GPR158: variants seen among roughly 807,000 people sequenced by gnomAD.
GPR158 encodes the protein metabotropic glycine receptor.
GPR158 carries 30 observed loss-of-function variants against 78.2 expected under a neutral mutation model. The observed-to-expected ratio is 0.38, with a 90% CI of 0.29 to 0.52. The LOEUF (loss-of-function observed/expected upper bound fraction) is 0.52. Among genes scored for constraint, GPR158 ranks in the 20% least tolerant of loss-of-function variants. GPR158 has a pLI of 0.83. For missense variants in GPR158, 1,463 were observed against 1,523.5 expected, an observed-to-expected ratio of 0.96 and a Z score of 0.66; for synonymous variants, 581 against 591.1, an observed-to-expected ratio of 0.98 and a Z score of 0.25.
In GPR158 at chr10:25,252,503, C is replaced by A. The variant is rs1410439201; in HGVS notation, c.1008+31346C>A. ...ACAGAGGGGTTTTTGGTGTGGATGT[C>A]CTTTCTGTTTGTTAGTTTTCCTTCT... On this transcript the variant is annotated intron_variant, in intron 2 of 10. Transcript: ENST00000376351. Among the ~76,000 whole-genome samples the A allele has an allele frequency of 3.3e-5, 5 of 151,164 alleles. No individual in the cohort carries two copies. The South Asian group carries it at 1.1e-3, about 32-fold the overall frequency.
intron 5 of GPR158, among the ~76,000 whole-genome samples, chr10:25,476,217 A>G (rs986378720): frequency 1.3e-5 from 2 of 152,170 alleles, no homozygotes; most frequent in African/African-American, 2.4e-5. Flanking sequence ...AACTTTGTAT[A>G]ATTTATAAAA....
chr10:25,543,313 G>T (rs1011029229), intron 5 of GPR158, among the ~76,000 whole-genome samples: 1 of 151,942 alleles, frequency 6.6e-6, no homozygotes, highest in African/African-American at 2.4e-5. Context: ...TAGAGGTAGG[G>T]TTTCACCATG....
intron 4 of GPR158, among the ~76,000 whole-genome samples, chr10:25,445,944 G>T (rs2130595007): frequency 6.6e-6 from 1 of 152,288 alleles, no homozygotes; most frequent in Admixed American, 6.5e-5. Flanking sequence ...TCTAGTTGGA[G>T]AAGTCAGAAC....
intron 5 of GPR158, among the ~76,000 whole-genome samples, chr10:25,545,380 C>T (rs550256837): frequency 6.6e-6 from 1 of 152,280 alleles, no homozygotes; most frequent in Admixed American, 6.5e-5. Context: ...TGTTTCCTGA[C>T]TTTCTAATGA....
intron 2 of GPR158, among the ~76,000 whole-genome samples, chr10:25,351,844 A>C (rs1484888624): frequency 6.6e-6 from 1 of 150,988 alleles, no homozygotes; most frequent in African/African-American, 2.4e-5. Flanking sequence ...TCATCCCATC[A>C]CCTAGGTATC....
chr10:25,540,050 G>A (rs1406526309), intron 5 of GPR158, among the ~76,000 whole-genome samples: 2 of 152,112 alleles, frequency 1.3e-5, no homozygotes, highest in South Asian at 2.1e-4. Flanking sequence ...CTACTCATCT[G>A]ACAAAGGGCT....
chr10:25,285,339 G>A (rs1401417547), intron 2 of GPR158, among the ~76,000 whole-genome samples: 1 of 152,034 alleles, frequency 6.6e-6, no homozygotes. Flanking sequence ...GCATCTGAGA[G>A]GAGATTTAGT....
At chr10:25,215,954 G>T (rs1466752339) in intron 1 of GPR158, among the ~76,000 whole-genome samples, 3 of 152,306 alleles carry the variant, frequency 2.0e-5, no homozygotes, top group South Asian at 4.1e-4. Context: ...AAATTCACTT[G>T]TTCACAGGTG....
intron 4 of GPR158, among the ~76,000 whole-genome samples, chr10:25,421,310 T>C (rs1834747700): frequency 6.6e-6 from 1 of 152,216 alleles, no homozygotes; most frequent in African/African-American, 2.4e-5. Flanking sequence ...AAGTCTATGA[T>C]TTTTCTTTTG....
At chr10:25,508,015 G>C (rs1419359690) in intron 5 of GPR158, among the ~76,000 whole-genome samples, 1 of 152,204 alleles carries the variant, frequency 6.6e-6, no homozygotes, top group Non-Finnish European at 1.5e-5. Context: ...AAAAAGGCGG[G>C]ATGATTACGA....
Position 25,599,080 on chromosome 10 carries a change from C to A in GPR158, c.3454C>A (p.Arg1152Ser). 1 of 1,613,210 alleles carries A rather than the reference C, an allele frequency of 6.2e-7. No individual in the cohort carries two copies. Among genetic ancestry groups the A allele is most frequent in the East Asian group, 2.2e-5 (1 of 44,854 alleles). ...KKTSSSEENVRGSYNSSNNFQ... is the reference protein window; with the variant it reads ...KKTSSSEENVSGSYNSSNNFQ... ...GACATCTTCTTCTGAGGAGAATGTGCGTGGCTCCTATAACTCAAGTAATAA... is the reference window on the plus strand; with the variant it reads ...GACATCTTCTTCTGAGGAGAATGTGAGTGGCTCCTATAACTCAAGTAATAA... The change falls in exon 11 of 11, where the codon CGT (arginine) becomes AGT (serine). Residue 1152 changes from arginine (R) to serine (S), a missense_variant. Arg to Ser is a moderately radical substitution (Grantham distance 110). Coordinates refer to ENST00000376351, the MANE Select transcript of GPR158 (RefSeq NM_020752.3).
chr10:25,306,219 C>T (rs1854674942), intron 2 of GPR158, among the ~76,000 whole-genome samples: 1 of 152,124 alleles, frequency 6.6e-6, no homozygotes, highest in Non-Finnish European at 1.5e-5. Flanking sequence ...TCCCTACTAT[C>T]CAATTTATTA....
chr10:25,446,832 A>G (rs1280375980), intron 4 of GPR158, among the ~76,000 whole-genome samples: 1 of 152,244 alleles, frequency 6.6e-6, no homozygotes, highest in African/African-American at 2.4e-5. Flanking sequence ...GTGTTTCTAC[A>G]TCAGCCGTAG....
At chr10:25,333,937 C>T (rs764667725) in intron 2 of GPR158, among the ~76,000 whole-genome samples, 6 of 152,046 alleles carry the variant, frequency 3.9e-5, no homozygotes, top group Admixed American at 1.3e-4. Flanking sequence ...CAGACTCCTC[C>T]GTGTACTCTT....
intron 2 of GPR158, among the ~76,000 whole-genome samples, chr10:25,337,478 A>G (rs7907438): frequency 0.16 from 24,648 of 152,076 alleles, 4,072 homozygotes; most frequent in African/African-American, 0.42. Flanking sequence ...CTTGCGTAGC[A>G]ATAGTAGTTT....
chr10:25,466,832 A>C, intron 5 of GPR158, 113 bp downstream of exon 5: 1 of 516,360 alleles, frequency 1.9e-6, no homozygotes, highest in Non-Finnish European at 3.3e-6. Flanking sequence ...GTTACTAGGA[A>C]GTGTGGAGGT....
intron 5 of GPR158, among the ~76,000 whole-genome samples, chr10:25,516,367 TA>T (rs1271711006): frequency 2.6e-5 from 4 of 151,886 alleles, no homozygotes; most frequent in Non-Finnish European, 5.9e-5. Flanking sequence ...AGAAGCTCTT[TA>T]GTTTAATTAG....
chr10:25,511,093 C>T (rs1326863613), intron 5 of GPR158, among the ~76,000 whole-genome samples: 3 of 152,088 alleles, frequency 2.0e-5, no homozygotes, highest in African/African-American at 7.2e-5. Context: ...AATGGTAGTT[C>T]TACTTTTGTT....
At chr10:25,423,019 C>T (rs111900665) in intron 4 of GPR158, among the ~76,000 whole-genome samples, 12 of 151,950 alleles carry the variant, frequency 7.9e-5, no homozygotes, top group East Asian at 1.9e-4. Context: ...CAGGTTGCTG[C>T]GAATGCCATT....
Sources: allele counts gnomAD v4.1 joint callset (sites outside exome capture counted in the v4.1 genomes callset), GRCh38; gene constraint gnomAD v4.1.1; transcripts MANE v1.5; gene names NCBI Gene and HGNC (gene_info 2026-07-23, HGNC 2026-07-21).